The following UNC5C variants were observed in gnomAD, a reference collection of about 807,000 sequenced individuals.
UNC5C encodes unc-5 netrin receptor C.
A neutral mutation model predicts 99.8 loss-of-function variants in UNC5C; 47 were observed. The observed-to-expected ratio is 0.47, with a 90% CI of 0.37 to 0.60. The LOEUF (loss-of-function observed/expected upper bound fraction) is 0.60. Ranked by LOEUF, UNC5C falls within the 20% of genes least tolerant of loss-of-function variation. The pLI, the probability that UNC5C is intolerant of heterozygous loss-of-function variation, is 0.00. For synonymous variants in UNC5C, 487 were observed against 452.2 expected (o/e 1.08, Z -0.98); for missense variants, 1,062 against 1,165.9 (o/e 0.91, Z 1.30).
chr4:95,420,627 A>G (rs1746291881), intron 1 of UNC5C, among the ~76,000 whole-genome samples: 1 of 152,144 alleles, frequency 6.6e-6, no homozygotes, highest in African/African-American at 2.4e-5. Context: ...ATTTTACAAC[A>G]ATGACCTATA....
intron 1 of UNC5C, among the ~76,000 whole-genome samples, chr4:95,437,087 C>T (rs1354658170): frequency 1.3e-5 from 2 of 150,246 alleles, no homozygotes; most frequent in Admixed American, 6.7e-5. Context: ...CAGAGCAAAT[C>T]CAAACCAATT....
chr4:95,417,799 A>G (rs1578151570), intron 1 of UNC5C, among the ~76,000 whole-genome samples: 1 of 152,216 alleles, frequency 6.6e-6, no homozygotes, highest in African/African-American at 2.4e-5. Context: ...GTTGTTTATC[A>G]TCACCACATC....
At chr4:95,309,933 G>A (rs1028287428) in intron 2 of UNC5C, among the ~76,000 whole-genome samples, 1 of 152,110 alleles carries the variant, frequency 6.6e-6, no homozygotes, top group East Asian at 1.9e-4. Flanking sequence ...CCACTAATAG[G>A]TGTATACCCA....
At chr4:95,276,808 A>T (rs774093658) in intron 4 of UNC5C, among the ~76,000 whole-genome samples, 153 of 152,290 alleles carry the variant, frequency 1.0e-3, no homozygotes, top group Non-Finnish European at 7.5e-4. Context: ...CTCTGATACA[A>T]TTGGCATGAG....
intron 6 of UNC5C, among the ~76,000 whole-genome samples, chr4:95,243,940 G>C (rs1221684910): frequency 6.6e-6 from 1 of 152,174 alleles, no homozygotes. Flanking sequence ...AGCTAGCTAA[G>C]TGTCAAAATT....
intron 1 of UNC5C, among the ~76,000 whole-genome samples, chr4:95,430,871 T>A (rs1746617372): frequency 6.6e-6 from 1 of 152,094 alleles, no homozygotes; most frequent in Non-Finnish European, 1.5e-5. Context: ...ACAGAAGTCC[T>A]AGTGGTGTTT....
At chr4:95,199,813 C>T (rs915743550) in intron 12 of UNC5C, among the ~76,000 whole-genome samples, 1 of 152,132 alleles carries the variant, frequency 6.6e-6, no homozygotes, top group South Asian at 2.1e-4. Flanking sequence ...TAATCAGACC[C>T]CATGGCTCCC....
chr4:95,470,809 C>T (rs535600721), intron 1 of UNC5C, among the ~76,000 whole-genome samples: 9 of 152,130 alleles, frequency 5.9e-5, no homozygotes, highest in Non-Finnish European at 8.8e-5. Flanking sequence ...GAATTACTCT[C>T]GTGGTCTATT....
At position 95,169,221 on chromosome 4, in the gene UNC5C, TC is replaced by T; in HGVS notation, c.*12del. 6.2e-7 allele frequency: 1 copy of T among 1,612,896 alleles called. No homozygotes were observed. On this transcript the variant is annotated 3_prime_UTR_variant, in exon 16 of 16. Coordinates refer to ENST00000453304, the MANE Select transcript of UNC5C (RefSeq NM_003728.4). Reference sequence around the variant, plus strand: ...TGCATTTTTGTCCTTCATTTCCCCTTCCAGCATGGTGGTTAATACTGCCCTT... The same window carrying T: ...TGCATTTTTGTCCTTCATTTCCCCTTCAGCATGGTGGTTAATACTGCCCTT...
At chr4:95,542,104 C>T (rs1722935412) in intron 1 of UNC5C, among the ~76,000 whole-genome samples, 3 of 152,046 alleles carry the variant, frequency 2.0e-5, no homozygotes, top group Non-Finnish European at 4.4e-5. Flanking sequence ...CCTATCCTCA[C>T]AACATTTTAA....
At chr4:95,547,069 A>G (rs1723088958) in intron 1 of UNC5C, among the ~76,000 whole-genome samples, 1 of 151,348 alleles carries the variant, frequency 6.6e-6, no homozygotes, top group African/African-American at 2.4e-5. Context: ...ACCCCCCTCT[A>G]AGCACCCTTG....
intron 14 of UNC5C, among the ~76,000 whole-genome samples, chr4:95,182,427 C>G (rs1736648735): frequency 1.3e-5 from 2 of 151,966 alleles, no homozygotes; most frequent in African/African-American, 4.8e-5. Flanking sequence ...AAAAAGGGAG[C>G]AGAGAAGCCC....
At chr4:95,176,949 C>T (rs1736381748) in intron 14 of UNC5C, among the ~76,000 whole-genome samples, 1 of 152,078 alleles carries the variant, frequency 6.6e-6, no homozygotes, top group Admixed American at 6.5e-5. Flanking sequence ...TCCTGGTGTG[C>T]CGTTTTTTAA....
At chr4:95,398,082 A>T in intron 1 of UNC5C, among the ~76,000 whole-genome samples, 1 of 128,530 alleles carries the variant, frequency 7.8e-6, no homozygotes, top group Admixed American at 8.0e-5. Flanking sequence ...AAAATGCTAC[A>T]GTGGATAACA....
At chr4:95,207,055 A>G (rs372508944) in intron 10 of UNC5C, among the ~76,000 whole-genome samples, 27 of 152,190 alleles carry the variant, frequency 1.8e-4, no homozygotes, top group Admixed American at 6.5e-4. Flanking sequence ...TCCCTCCGAC[A>G]CTGGTCTTTC....
At chr4:95,272,664 A>G (rs1373250993) in intron 4 of UNC5C, among the ~76,000 whole-genome samples, 1 of 152,234 alleles carries the variant, frequency 6.6e-6, no homozygotes, top group Non-Finnish European at 1.5e-5. Flanking sequence ...AATACTTTTG[A>G]AAACCCGTCT....
chr4:95,410,912 C>T (rs1745967669), intron 1 of UNC5C, among the ~76,000 whole-genome samples: 1 of 152,118 alleles, frequency 6.6e-6, no homozygotes, highest in Admixed American at 6.5e-5. Flanking sequence ...ACCTGGTTCC[C>T]TCTGGACCTT....
intron 1 of UNC5C, among the ~76,000 whole-genome samples, chr4:95,520,159 G>A (rs1374839357): frequency 3.3e-5 from 5 of 152,104 alleles, no homozygotes; most frequent in African/African-American, 1.2e-4. Flanking sequence ...CTCAACCTAG[G>A]AAGAGATCTC....
At chr4:95,246,202 C>A (rs776291826) in intron 5 of UNC5C, among the ~76,000 whole-genome samples, 59 of 152,304 alleles carry the variant, frequency 3.9e-4, no homozygotes, top group Non-Finnish European at 7.1e-4. Context: ...AAGCCAGCCA[C>A]ATATGTTCAT....
Sources: gnomAD v4.1 joint callset for allele counts (sites outside exome capture counted in the v4.1 genomes callset) on GRCh38, gnomAD v4.1.1 for gene constraint, MANE v1.5 for transcripts, NCBI Gene and HGNC (gene_info 2026-07-23, HGNC 2026-07-21) for gene names.